HCN1: variants seen among roughly 807,000 people sequenced by gnomAD.
The protein encoded by HCN1 is potassium/sodium hyperpolarization-activated cyclic nucleotide-gated channel 1.
A neutral mutation model predicts 78.9 loss-of-function variants in HCN1; 13 were observed. The ratio of observed to expected loss-of-function variants is 0.16; its 90% CI spans 0.11 to 0.26. The LOEUF (loss-of-function observed/expected upper bound fraction) is 0.26. HCN1 is among the 10% of genes least tolerant of loss of function. The probability of loss-of-function intolerance (pLI) is 1.00; values close to 1 mark genes in which losing one functional copy is unlikely to be tolerated. For synonymous variants in HCN1, 552 were observed against 455.5 expected, an observed-to-expected ratio of 1.21 and a Z score of -2.70; for missense variants, 810 against 1,154.3, an observed-to-expected ratio of 0.70 and a Z score of 4.32.
intron 2 of HCN1, among the ~76,000 whole-genome samples, chr5:45,523,429 G>A (rs1312331211): frequency 1.3e-5 from 2 of 151,978 alleles, no homozygotes; most frequent in Admixed American, 1.3e-4. Flanking sequence ...CTGAGGAATC[G>A]CCACACTGAC....
intron 1 of HCN1, among the ~76,000 whole-genome samples, chr5:45,675,882 TATAAG>T (rs997240209): frequency 4.6e-5 from 7 of 151,986 alleles, no homozygotes; most frequent in Admixed American, 2.0e-4. Flanking sequence ...TCTGTTTTAA[TATAAG>T]ATAAGCTCAA....
rs138744211 is a variant in HCN1, at chr5:45,558,671, T to G, written c.849+86514A>C. The G allele has an allele frequency of 1.2e-3, 182 of 152,158 alleles. 1 individual carries two copies. Among genetic ancestry groups the G allele is most frequent in the African/African-American group, 4.2e-3 (176 of 41,518 alleles). The allele number at this position is 152,158 out of a possible 1,614,324, so 9.4% of individuals were successfully genotyped here. On this transcript the variant is annotated intron_variant, in intron 2 of 7. Transcript: ENST00000303230. ...AAATGCTCATTGCTCATTCCTAAAA[T>G]CAAAGGGCCCTTAAAAATTATGCTC...
chr5:45,283,771 A>G lies in HCN1; in HGVS notation c.1619-16518T>C, dbSNP rs532438385. Among the ~76,000 whole-genome samples, 6 of 152,238 alleles carry G rather than the reference A, an allele frequency of 3.9e-5. No individual in the cohort carries two copies. The East Asian group carries it at 1.2e-3, about 29-fold the overall frequency. ...AGCTAAAAACAGAACTACCATTGGA[A>G]CCAGCTATCCCATTACCGCATATAC... On this transcript the variant is annotated intron_variant, in intron 6 of 7. Transcript: ENST00000303230.
intron 4 of HCN1, among the ~76,000 whole-genome samples, chr5:45,365,713 G>A (rs910868489): frequency 2.0e-5 from 3 of 151,696 alleles, no homozygotes; most frequent in Non-Finnish European, 4.4e-5. Flanking sequence ...CCAAGCAGTG[G>A]GATTACTGGG....
intron 2 of HCN1, chr5:45,643,405 T>C (rs997429101): frequency 6.6e-5 from 10 of 152,280 alleles, no homozygotes; most frequent in Admixed American, 3.3e-4. Context: ...AAAATATTTT[T>C]CCATGGCCTT....
chr5:45,582,083 T>C (rs1744089152), intron 2 of HCN1, among the ~76,000 whole-genome samples: 2 of 152,188 alleles, frequency 1.3e-5, no homozygotes, highest in Non-Finnish European at 2.9e-5. Context: ...TTGCTGGGGA[T>C]GGCATTGAAT....
chr5:45,589,243 G>GT (rs1262908604), intron 2 of HCN1, among the ~76,000 whole-genome samples: 1 of 152,190 alleles, frequency 6.6e-6, no homozygotes, highest in African/African-American at 2.4e-5. Context: ...GGAGCAATGG[G>GT]TGTCAGTAAA....
At chr5:45,333,838 G>T (rs765282525) in intron 5 of HCN1, among the ~76,000 whole-genome samples, 1 of 151,724 alleles carries the variant, frequency 6.6e-6, no homozygotes. Context: ...CCCACCAAAC[G>T]TGTACAAGGG....
In HCN1 at chr5:45,665,914, A is replaced by C. The variant is rs553136337; in HGVS notation, c.426-20306T>G. 3.2e-3 allele frequency among the ~76,000 whole-genome samples: 489 copies of C among 152,158 alleles called. 2 individuals are homozygous for C. The highest frequency in any genetic ancestry group is 7.5e-3 in the Admixed American group (114 of 15,268). Reference sequence around the variant, plus strand: ...TCACTAATCCTCAACCTGATCAAGGAGCTTTAGACAAGCTAGTCTATTTAC... The same window carrying C: ...TCACTAATCCTCAACCTGATCAAGGCGCTTTAGACAAGCTAGTCTATTTAC... On this transcript the variant is annotated intron_variant, in intron 1 of 7. Coordinates refer to ENST00000303230, the MANE Select transcript of HCN1 (RefSeq NM_021072.4).
rs1742542608 is a variant in HCN1, at chr5:45,517,859, C to T, written c.850-55852G>A. Among the ~76,000 whole-genome samples the T allele has an allele frequency of 2.6e-5, 4 of 152,020 alleles. No homozygotes were observed. In the South Asian group the frequency reaches 8.3e-4, roughly 32 times the overall value. ...AATGATGTTGTCCCCATACCAGCTTCTTATGGCCTATCTTTGGGCTTCTCT... is the reference window on the plus strand; with the variant it reads ...AATGATGTTGTCCCCATACCAGCTTTTTATGGCCTATCTTTGGGCTTCTCT... On this transcript the variant is annotated intron_variant, in intron 2 of 7. Coordinates refer to ENST00000303230, the MANE Select transcript of HCN1 (RefSeq NM_021072.4).
At chr5:45,349,371 GT>G (rs1056062006) in intron 5 of HCN1, among the ~76,000 whole-genome samples, 6 of 152,188 alleles carry the variant, frequency 3.9e-5, no homozygotes, top group Non-Finnish European at 8.8e-5. Flanking sequence ...CACATTCAAA[GT>G]AGTGTGTAGA....
chr5:45,424,114 A>G (rs1294130066), intron 3 of HCN1, among the ~76,000 whole-genome samples: 1 of 143,086 alleles, frequency 7.0e-6, no homozygotes, highest in Non-Finnish European at 1.5e-5. Context: ...TCTCTACTAA[A>G]AATCCAAAAA....
chr5:45,679,667 T>C (rs1343238212), intron 1 of HCN1, among the ~76,000 whole-genome samples: 1 of 152,116 alleles, frequency 6.6e-6, no homozygotes, highest in Admixed American at 6.6e-5. Flanking sequence ...ATGTGAGTGT[T>C]GGACTGGCTT....
At chr5:45,406,848 G>C (rs1291946521) in intron 3 of HCN1, among the ~76,000 whole-genome samples, 1 of 152,152 alleles carries the variant, frequency 6.6e-6, no homozygotes, top group African/African-American at 2.4e-5. Context: ...TTCCTGGAGA[G>C]TGTGAGGTCA....
intron 5 of HCN1, among the ~76,000 whole-genome samples, chr5:45,344,594 A>G (rs1004274800): frequency 1.3e-5 from 2 of 152,220 alleles, no homozygotes; most frequent in African/African-American, 4.8e-5. Context: ...GAAATTGGCC[A>G]AAATGAAGAG....
intron 2 of HCN1, among the ~76,000 whole-genome samples, chr5:45,602,514 T>C (rs1200635743): frequency 6.6e-6 from 1 of 152,102 alleles, no homozygotes; most frequent in Non-Finnish European, 1.5e-5. Context: ...TAAATTCCTG[T>C]CGTTTAAGAC....
rs1233455618 is a variant in HCN1, at chr5:45,375,774, T to G, written c.1230+20718A>C. ...TAATATCATATTTTATGATATATCT[T>G]ATATATAATATAATATTTTATGATA... On this transcript the variant is annotated intron_variant, in intron 4 of 7. Coordinates refer to ENST00000303230, the MANE Select transcript of HCN1 (RefSeq NM_021072.4). Among the ~76,000 whole-genome samples, 3 of 103,636 alleles carry G rather than the reference T, an allele frequency of 2.9e-5. 1 individual carries two copies. The highest frequency in any genetic ancestry group is 6.1e-4 in the South Asian group (2 of 3,296). 68.0% of individuals were successfully genotyped at this position (103,636 alleles called of 152,430 possible).
At chr5:45,631,415 G>A (rs1745267569) in intron 2 of HCN1, among the ~76,000 whole-genome samples, 2 of 152,116 alleles carry the variant, frequency 1.3e-5, no homozygotes, top group Non-Finnish European at 2.9e-5. Context: ...TCATGATGGA[G>A]CTGCTTAGTC....
At chr5:45,609,577 C>T (rs1464581377) in intron 2 of HCN1, among the ~76,000 whole-genome samples, 1 of 151,956 alleles carries the variant, frequency 6.6e-6, no homozygotes, top group Non-Finnish European at 1.5e-5. Flanking sequence ...ACCATAAAAC[C>T]TTAAAAAGAA....
Sources: gnomAD v4.1 joint callset for allele counts (sites outside exome capture counted in the v4.1 genomes callset) on GRCh38, gnomAD v4.1.1 for gene constraint, MANE v1.5 for transcripts, NCBI Gene and HGNC (gene_info 2026-07-23, HGNC 2026-07-21) for gene names.